FAM184B: variants seen among roughly 807,000 people sequenced by gnomAD.
FAM184B encodes family with sequence similarity 184 member B.
In FAM184B, 111 loss-of-function variants were observed where a neutral mutation model predicts 135.9. The ratio of observed to expected loss-of-function variants is 0.82; its 90% CI spans 0.70 to 0.96. The LOEUF is 0.96. FAM184B is among the 40% of genes least tolerant of loss of function. The pLI is 0.00. For missense variants in FAM184B, 1,375 were observed against 1,323.9 expected (o/e 1.04, Z -0.60); for synonymous variants, 552 against 524.8 (o/e 1.05, Z -0.71).
chr4:17,688,560 A>G lies in FAM184B; in HGVS notation c.1489-29T>C, dbSNP rs1239766459. 6 of 1,501,364 alleles carry G rather than the reference A, an allele frequency of 4.0e-6. No homozygotes were observed. The Admixed American group carries it at 8.3e-5, about 21-fold the overall frequency. 93.0% of individuals were successfully genotyped at this position (1,501,364 alleles called of 1,614,324 possible). A position where few individuals can be genotyped will look rare whatever the true frequency, so the allele number is the denominator to read the frequency against. On this transcript the variant is annotated intron_variant, in intron 6 of 17. Coordinates refer to ENST00000265018, the MANE Select transcript of FAM184B (RefSeq NM_015688.2). The stretch of plus-strand genomic sequence containing the variant: ...AAACAGGAGATAAGAAACACCACAC[A>G]ATGAAACCAGGTTCTACCTCCTCGA...
chr4:17,719,748 C>T (rs970662492), intron 1 of FAM184B, among the ~76,000 whole-genome samples: 20 of 152,278 alleles, frequency 1.3e-4, no homozygotes, highest in African/African-American at 3.6e-4. Flanking sequence ...TACTCTATAA[C>T]CATTGTTACT....
chr4:17,648,055 A>G (rs1363211396), intron 11 of FAM184B, among the ~76,000 whole-genome samples: 1 of 152,134 alleles, frequency 6.6e-6, no homozygotes, highest in Non-Finnish European at 1.5e-5. Context: ...GGACCTGAGC[A>G]TCAGAGAGGG....
At chr4:17,713,354 A>G (rs1204725697) in intron 1 of FAM184B, among the ~76,000 whole-genome samples, 1 of 152,196 alleles carries the variant, frequency 6.6e-6, no homozygotes, top group Non-Finnish European at 1.5e-5. Flanking sequence ...TTCCAGGAAG[A>G]TCCTGCAATG....
intron 1 of FAM184B, among the ~76,000 whole-genome samples, chr4:17,756,666 T>C (rs1202409733): frequency 2.0e-5 from 3 of 152,188 alleles, no homozygotes; most frequent in African/African-American, 7.2e-5. Flanking sequence ...GGCTCACACC[T>C]GTCATCCCAG....
At chr4:17,717,523 T>C (rs2315564) in intron 1 of FAM184B, among the ~76,000 whole-genome samples, 147,771 of 152,118 alleles carry the variant, frequency 0.97, 71,920 homozygotes, top group Non-Finnish European at 1. Context: ...CCACCTCCTA[T>C]GGGGGAGGCT....
intron 11 of FAM184B, 72 bp from the exon 12 acceptor site, chr4:17,647,863 C>G: frequency 2.0e-6 from 3 of 1,468,850 alleles, no homozygotes; most frequent in Non-Finnish European, 2.7e-6. Context: ...GGACAACAGT[C>G]TCTGGGGTGG....
At chr4:17,776,481 CG>C (rs1718928941) in intron 1 of FAM184B, among the ~76,000 whole-genome samples, 1 of 152,134 alleles carries the variant, frequency 6.6e-6, no homozygotes, top group South Asian at 2.1e-4. Context: ...CTCCGCCTCT[CG>C]GGTTCAAGCG....
At chr4:17,707,863 G>T in intron 2 of FAM184B, 79 bp from the exon 3 acceptor site, 1 of 1,498,046 alleles carries the variant, frequency 6.7e-7, no homozygotes, top group Non-Finnish European at 9.0e-7. Context: ...ATAGCCATCA[G>T]ACCTGAAAGG....
chr4:17,664,681 A>C, intron 7 of FAM184B, 22 bp from the exon 8 acceptor site: 4 of 572,104 alleles, frequency 7.0e-6, no homozygotes, highest in Non-Finnish European at 7.1e-6. Context: ...AAAGAAAAAG[A>C]AAAAAAAAAA....
In FAM184B at chr4:17,639,270, C is replaced by T. The variant is rs968565866; in HGVS notation, c.2646G>A (p.Arg882=). Residue 882 remains arginine, a synonymous_variant, in exon 14 of 18, where the codon CGG becomes CGA. Transcript: ENST00000265018. The part of the protein sequence containing the change: ...FSSAQAQLQA[R]LAALEAELKD... ...CTTACTCGGCTTCCAGGGCAGCCAG[C>T]CGGGCCTGGAGCTGGGCCTGGGCAC... is the stretch of plus-strand genomic sequence containing the variant. 4.1e-5 allele frequency: 63 copies of T among 1,551,576 alleles called. No homozygotes were observed. The highest frequency in any genetic ancestry group is 5.4e-5 in the Non-Finnish European group (62 of 1,147,006).
chr4:17,636,659 G>T lies in FAM184B; in HGVS notation c.2667-14C>A. On this transcript the variant is annotated splice_polypyrimidine_tract_variant and intron_variant, in intron 14 of 17. Transcript: ENST00000265018. ...GAATCTTTCAGTCTGTTCCAAGCAG[G>T]CATGCAGTCAAGTCCCCCTTACAGC... 1 of 1,535,342 alleles carries T rather than the reference G, an allele frequency of 6.5e-7. No individual in the cohort carries two copies. The highest frequency in any genetic ancestry group is 8.8e-7 in the Non-Finnish European group (1 of 1,138,338).
Position 17,755,952 on chromosome 4 carries a change from A to G in FAM184B, c.141+25207T>C, listed in dbSNP as rs1202256190. ...GAACATCAGGAAGAATAGCTAACGA[A>G]TGCTGGGCTTAATACCTAGGTGATG... On this transcript the variant is annotated intron_variant, in intron 1 of 17. Coordinates refer to ENST00000265018, the MANE Select transcript of FAM184B (RefSeq NM_015688.2). 2.0e-5 allele frequency among the ~76,000 whole-genome samples: 3 copies of G among 152,176 alleles called. No individual in the cohort carries two copies. The East Asian group carries it at 5.8e-4, about 29-fold the overall frequency.
chr4:17,759,923 T>C (rs1191480613), intron 1 of FAM184B, among the ~76,000 whole-genome samples: 4 of 152,158 alleles, frequency 2.6e-5, no homozygotes, highest in Admixed American at 1.3e-4. Context: ...GTTTCAATAG[T>C]CATCAGATGA....
Position 17,714,849 on chromosome 4 carries a change from T to C in FAM184B, c.142-5205A>G, listed in dbSNP as rs568522513. On this transcript the variant is annotated intron_variant, in intron 1 of 17. Transcript: ENST00000265018. ...CACAATGTCTAAGGGCACTTTGGCA[T>C]GTTCACATGGAGCCACAGTGTCTGG... 3.9e-5 allele frequency among the ~76,000 whole-genome samples: 6 copies of C among 152,210 alleles called. No individual in the cohort carries two copies. In the South Asian group the frequency reaches 1.0e-3, roughly 26 times the overall value.
intron 1 of FAM184B, among the ~76,000 whole-genome samples, chr4:17,757,116 G>A (rs995140729): frequency 3.3e-5 from 5 of 152,060 alleles, no homozygotes; most frequent in African/African-American, 4.8e-5. Context: ...AACCTGAATC[G>A]AATCAATCTT....
At chr4:17,769,124 T>C (rs897912105) in intron 1 of FAM184B, among the ~76,000 whole-genome samples, 1 of 152,082 alleles carries the variant, frequency 6.6e-6, no homozygotes, top group African/African-American at 2.4e-5. Flanking sequence ...CTTAAATGAA[T>C]GAAGTTAAAT....
At chr4:17,674,190 A>G (rs536060588) in intron 7 of FAM184B, among the ~76,000 whole-genome samples, 2 of 152,268 alleles carry the variant, frequency 1.3e-5, no homozygotes, top group Admixed American at 1.3e-4. Flanking sequence ...AAGTTAAAAG[A>G]CAAAAGTATT....
intron 1 of FAM184B, among the ~76,000 whole-genome samples, chr4:17,773,424 C>T (rs1718861408): frequency 6.6e-6 from 1 of 152,230 alleles, no homozygotes; most frequent in Non-Finnish European, 1.5e-5. Flanking sequence ...ACTCCTTATA[C>T]TTGAGCTTGG....
intron 1 of FAM184B, among the ~76,000 whole-genome samples, chr4:17,759,902 G>C (rs763087526): frequency 2.6e-5 from 4 of 152,132 alleles, no homozygotes; most frequent in Non-Finnish European, 5.9e-5. Context: ...TACAGGCCAA[G>C]GTGGGTACCG....
Sources: gnomAD v4.1 joint callset for allele counts (sites outside exome capture counted in the v4.1 genomes callset) on GRCh38, gnomAD v4.1.1 for gene constraint, MANE v1.5 for transcripts, NCBI Gene and HGNC (gene_info 2026-07-23, HGNC 2026-07-21) for gene names.